Variants in KIF13B observed in about 807,000 individuals in gnomAD.
The protein encoded by KIF13B is kinesin-like protein KIF13B.
KIF13B carries 127 observed loss-of-function variants against 222.0 expected under a neutral mutation model. That is an observed-to-expected ratio of 0.57 (90% CI 0.50 to 0.66). The LOEUF is 0.66. Among genes scored for constraint, KIF13B ranks in the 30% least tolerant of loss-of-function variants. The pLI, the probability that KIF13B is intolerant of heterozygous loss-of-function variation, is 0.00. For synonymous variants in KIF13B, 976 were observed against 919.0 expected, an observed-to-expected ratio of 1.06 and a Z score of -1.12; for missense variants, 2,173 against 2,379.0, an observed-to-expected ratio of 0.91 and a Z score of 1.80.
chr8:29,084,085 T>C (rs1807933135), intron 37 of KIF13B, among the ~76,000 whole-genome samples: 1 of 152,080 alleles, frequency 6.6e-6, no homozygotes, highest in African/African-American at 2.4e-5. Context: ...CAGCTAATTT[T>C]TGTATTTCTT....
intron 3 of KIF13B, among the ~76,000 whole-genome samples, chr8:29,192,774 C>T (rs1468493170): frequency 6.6e-6 from 1 of 151,840 alleles, no homozygotes; most frequent in African/African-American, 2.4e-5. Flanking sequence ...TAACTCAAAA[C>T]GACAGGCGAT....
chr8:29,126,250 G>T (rs1810103654), intron 26 of KIF13B, among the ~76,000 whole-genome samples: 1 of 152,104 alleles, frequency 6.6e-6, no homozygotes, highest in Admixed American at 6.5e-5. Context: ...GCCTGGCTGG[G>T]GAGCTCCAGG....
chr8:29,093,011 A>C, intron 36 of KIF13B, 133 bp from the exon 37 acceptor site: 1 of 777,228 alleles, frequency 1.3e-6, no homozygotes, highest in East Asian at 2.8e-5. Context: ...ATATTAGAGA[A>C]ACACAGTATT....
intron 35 of KIF13B, among the ~76,000 whole-genome samples, chr8:29,101,032 G>A (rs1808762703): frequency 6.6e-6 from 1 of 152,186 alleles, no homozygotes; most frequent in South Asian, 2.1e-4. Flanking sequence ...GAAGCAAGGA[G>A]AACAAGGGAG....
chr8:29,224,081 C>A (rs984833866), intron 2 of KIF13B, among the ~76,000 whole-genome samples: 2 of 150,478 alleles, frequency 1.3e-5, no homozygotes, highest in African/African-American at 4.9e-5. Flanking sequence ...TCACTGCAAG[C>A]TCCACCTCCT....
chr8:29,097,707 A>C (rs1423566009), intron 36 of KIF13B, among the ~76,000 whole-genome samples: 2 of 152,360 alleles, frequency 1.3e-5, no homozygotes, highest in East Asian at 3.9e-4. Flanking sequence ...AAAATATGTG[A>C]AATGCAGAAA....
chr8:29,222,640 C>G (rs1814811951), intron 2 of KIF13B, among the ~76,000 whole-genome samples: 1 of 144,634 alleles, frequency 6.9e-6, no homozygotes, highest in Non-Finnish European at 1.5e-5. Flanking sequence ...ATTAGATTTC[C>G]TGAAAGCAAA....
At chr8:29,196,242 G>GT in intron 2 of KIF13B, 43 bp from the exon 3 acceptor site, 3 of 1,240,972 alleles carry the variant, frequency 2.4e-6, no homozygotes, top group Non-Finnish European at 3.1e-6. Context: ...TGAAAGAAAA[G>GT]TTAAAAAAAA....
chr8:29,129,637 A>G (rs183691946), intron 24 of KIF13B, among the ~76,000 whole-genome samples: 1 of 106,726 alleles, frequency 9.4e-6, no homozygotes, highest in African/African-American at 2.8e-5. Flanking sequence ...ACAATGCATT[A>G]AAGTATAGCA....
chr8:29,104,960 G>GA (rs2133592181), intron 35 of KIF13B, among the ~76,000 whole-genome samples: 1 of 147,154 alleles, frequency 6.8e-6, no homozygotes, highest in South Asian at 2.1e-4. Flanking sequence ...TAGCCAGGAT[G>GA]GTTTTTTTTC....
chr8:29,072,093 A>G lies in KIF13B; in HGVS notation c.4745T>C (p.Leu1582Pro), dbSNP rs1807319468. 19 of 1,344,002 alleles carry G rather than the reference A, an allele frequency of 1.4e-5. No homozygotes were observed. Among genetic ancestry groups the G allele is most frequent in the Non-Finnish European group, 1.7e-5 (18 of 1,045,554 alleles). 83.3% of individuals were successfully genotyped at this position (1,344,002 alleles called of 1,614,324 possible). Residue 1582 changes from leucine (L) to proline (P), a missense_variant, in exon 39 of 40, where the codon CTG becomes CCG. Physicochemically the swap from Leu to Pro is moderately conservative, Grantham distance 98 (BLOSUM62 -3). Around this residue, in one of 2 missense-constraint regions of KIF13B, gnomAD observed 693 missense variants for 656.2 expected, o/e 1.06. Transcript: ENST00000524189. ...GGCCGCAGCGTCCAGGCCGGGGCCCAGGGCGTCCGACAGGGTCGCGGTGGA... is the reference window on the plus strand; with the variant it reads ...GGCCGCAGCGTCCAGGCCGGGGCCCGGGGCGTCCGACAGGGTCGCGGTGGA... ...SVSTATLSDA[L>P]GPGLDAAAPP...
chr8:29,176,043 A>C, intron 10 of KIF13B, 25 bp downstream of exon 10: 4 of 1,384,404 alleles, frequency 2.9e-6, no homozygotes, highest in Non-Finnish European at 4.1e-6. Context: ...AAAGTATGCC[A>C]GGAAGGGAAA....
chr8:29,240,197 C>T (rs538475185), intron 2 of KIF13B, among the ~76,000 whole-genome samples: 171 of 150,562 alleles, frequency 1.1e-3, no homozygotes, highest in African/African-American at 3.8e-3. Context: ...GAAACTTTTT[C>T]GAGTCACCCT....
At chr8:29,078,587 T>A (rs1354865699) in intron 37 of KIF13B, among the ~76,000 whole-genome samples, 1 of 152,206 alleles carries the variant, frequency 6.6e-6, no homozygotes. Flanking sequence ...ACATTTCAGA[T>A]CATAAGTTCA....
At chr8:29,181,615 A>G (rs1332777218) in intron 7 of KIF13B, among the ~76,000 whole-genome samples, 1 of 152,244 alleles carries the variant, frequency 6.6e-6, no homozygotes, top group Non-Finnish European at 1.5e-5. Context: ...AAGGAAGTAT[A>G]AGTAGGCCCC....
At chr8:29,172,833 A>G (rs2130212095) in intron 10 of KIF13B, among the ~76,000 whole-genome samples, 1 of 152,288 alleles carries the variant, frequency 6.6e-6, no homozygotes, top group South Asian at 2.1e-4. Context: ...CCTGGCCTCC[A>G]GGCCAATGAA....
intron 35 of KIF13B, among the ~76,000 whole-genome samples, chr8:29,101,402 C>T (rs1296147030): frequency 6.6e-6 from 1 of 152,178 alleles, no homozygotes; most frequent in East Asian, 1.9e-4. Flanking sequence ...GTCTGTCCCT[C>T]AGGAAAACTA....
intron 37 of KIF13B, among the ~76,000 whole-genome samples, chr8:29,082,212 C>G (rs1406452565): frequency 2.0e-5 from 3 of 152,096 alleles, no homozygotes. Context: ...TTACACAAAA[C>G]AATTAAAAGG....
chr8:29,107,957 T>G (rs1416266875), intron 35 of KIF13B, among the ~76,000 whole-genome samples, 182 bp downstream of exon 35: 1 of 152,226 alleles, frequency 6.6e-6, no homozygotes, highest in East Asian at 1.9e-4. Context: ...CAGAGTCTAA[T>G]AAACCTTATT....
Sources: gnomAD v4.1 joint callset for allele counts (sites outside exome capture counted in the v4.1 genomes callset) on GRCh38, gnomAD v4.1.1 for gene constraint, gnomAD v4.1.1 regional missense constraint, MANE v1.5 for transcripts, NCBI Gene and HGNC (gene_info 2026-07-23, HGNC 2026-07-21) for gene names.